CCDC152: variants seen among roughly 807,000 people sequenced by gnomAD.
CCDC152 encodes the protein coiled-coil domain containing 152.
In CCDC152, 37 loss-of-function variants were observed where a neutral mutation model predicts 38.1. The ratio of observed to expected loss-of-function variants is 0.97; its 90% CI spans 0.75 to 1.28. The LOEUF is 1.28. CCDC152 is among the 50% of genes most tolerant of loss of function. CCDC152 has a pLI of 0.00. For synonymous variants in CCDC152, 83 were observed against 87.1 expected, an observed-to-expected ratio of 0.95 and a Z score of 0.26; for missense variants, 259 against 292.1, an observed-to-expected ratio of 0.89 and a Z score of 0.83.
intron 4 of CCDC152, among the ~76,000 whole-genome samples, chr5:42,778,901 G>T (rs2111562046): frequency 6.6e-6 from 1 of 152,192 alleles, no homozygotes; most frequent in African/African-American, 2.4e-5. Flanking sequence ...ATCCAAAATT[G>T]TTCATCTAGA....
rs756699330 is a variant in CCDC152 at position 42,799,653 on chromosome 5, G to A, written c.643-6G>A. ...ATTCTAATAACAAATTTTTTGTTTC[G>A]TTTAGAAACTTCAGCATTTTCAAGA... On this transcript the variant is annotated splice_region_variant and splice_polypyrimidine_tract_variant and intron_variant, in intron 8 of 8. Transcript: ENST00000361970. The A allele has an allele frequency of 1.9e-5, 29 of 1,533,408 alleles. No homozygotes were observed. In the Admixed American group the frequency reaches 2.3e-4, roughly 12 times the overall value. 95.0% of individuals were successfully genotyped at this position (1,533,408 alleles called of 1,614,324 possible).
At chr5:42,783,303 G>A (rs1195589665) in intron 5 of CCDC152, among the ~76,000 whole-genome samples, 171 bp from the exon 6 acceptor site, 1 of 151,850 alleles carries the variant, frequency 6.6e-6, no homozygotes, top group Non-Finnish European at 1.5e-5. Context: ...TTAGAAAGGT[G>A]AAATTGTTCA....
At chr5:42,790,969 A>G (rs957445348) in intron 6 of CCDC152, among the ~76,000 whole-genome samples, 1 of 152,164 alleles carries the variant, frequency 6.6e-6, no homozygotes, top group Non-Finnish European at 1.5e-5. Flanking sequence ...ACTTCTCTAC[A>G]TGAGTTCATG....
At chr5:42,781,637 C>G (rs1052978244) in intron 5 of CCDC152, among the ~76,000 whole-genome samples, 34 of 151,982 alleles carry the variant, frequency 2.2e-4, no homozygotes, top group African/African-American at 7.7e-4. Context: ...GGAAGTTGAT[C>G]AAAAGCCTAT....
chr5:42,778,934 G>C (rs895057828), intron 4 of CCDC152, among the ~76,000 whole-genome samples: 1 of 152,142 alleles, frequency 6.6e-6, no homozygotes, highest in Non-Finnish European at 1.5e-5. Context: ...TGTCTACCTA[G>C]TGATAGGATC....
rs115760794 is a variant in CCDC152, at chr5:42,793,204, A to G, written c.431-3625A>G. 9.1e-3 allele frequency among the ~76,000 whole-genome samples: 1,392 copies of G among 152,356 alleles called. 21 individuals are homozygous for G. Among genetic ancestry groups the G allele is most frequent in the African/African-American group, 0.032 (1,329 of 41,578 alleles). On this transcript the variant is annotated intron_variant, in intron 6 of 8. Transcript: ENST00000361970. ...AGCCAGACACAAAAGTCCACATACT[A>G]TATAATTCTGTTTATACAACATTCT...
chr5:42,763,115 A>C (rs1759576947), intron 3 of CCDC152, among the ~76,000 whole-genome samples: 1 of 152,190 alleles, frequency 6.6e-6, no homozygotes, highest in Non-Finnish European at 1.5e-5. Context: ...GGAAATATGC[A>C]CAATAAGCCT....
chr5:42,784,268 T>A (rs1227204517), intron 6 of CCDC152, among the ~76,000 whole-genome samples: 3 of 152,160 alleles, frequency 2.0e-5, no homozygotes, highest in Admixed American at 6.5e-5. Context: ...TTTTTTTGAC[T>A]TTTTAGTAAT....
chr5:42,778,338 AG>A (rs1304295398), intron 4 of CCDC152, among the ~76,000 whole-genome samples: 1 of 152,172 alleles, frequency 6.6e-6, no homozygotes, highest in Non-Finnish European at 1.5e-5. Context: ...ACCCCCCAAG[AG>A]ATGACCCAGA....
intron 2 of CCDC152, among the ~76,000 whole-genome samples, chr5:42,761,711 C>T (rs1272843416): frequency 1.3e-5 from 2 of 152,116 alleles, no homozygotes; most frequent in Non-Finnish European, 2.9e-5. Context: ...AGGCACAGAA[C>T]AGAATATAAT....
intron 6 of CCDC152, among the ~76,000 whole-genome samples, chr5:42,796,538 T>A (rs1279341964): frequency 6.6e-6 from 1 of 152,196 alleles, no homozygotes; most frequent in East Asian, 1.9e-4. Context: ...AGGCTTTGTG[T>A]CCCTCTTCAA....
intron 6 of CCDC152, among the ~76,000 whole-genome samples, chr5:42,785,089 C>G (rs1352945565): frequency 6.6e-6 from 1 of 152,048 alleles, no homozygotes; most frequent in Non-Finnish European, 1.5e-5. Flanking sequence ...TATTCAGGCT[C>G]TGTTTTGGTT....
At chr5:42,768,586 C>A (rs761479331) in intron 3 of CCDC152, among the ~76,000 whole-genome samples, 1 of 152,186 alleles carries the variant, frequency 6.6e-6, no homozygotes, top group Non-Finnish European at 1.5e-5. Context: ...AGCACAGTTG[C>A]TGAAGCCTTG....
intron 4 of CCDC152, among the ~76,000 whole-genome samples, chr5:42,772,475 C>T (rs1194600297): frequency 6.6e-6 from 1 of 151,958 alleles, no homozygotes; most frequent in Non-Finnish European, 1.5e-5. Flanking sequence ...GGTGAAACCC[C>T]GCCTCTACTA....
At chr5:42,772,038 A>C (rs1759705703) in intron 4 of CCDC152, among the ~76,000 whole-genome samples, 1 of 152,196 alleles carries the variant, frequency 6.6e-6, no homozygotes, top group Non-Finnish European at 1.5e-5. Flanking sequence ...AAAATTCAAC[A>C]GCCCATTAAA....
chr5:42,758,845 T>G (rs1186495186), intron 1 of CCDC152, among the ~76,000 whole-genome samples: 1 of 152,186 alleles, frequency 6.6e-6, no homozygotes, highest in Non-Finnish European at 1.5e-5. Flanking sequence ...CAGTTAAAAG[T>G]CATGCCTCAG....
intron 4 of CCDC152, 144 bp from the exon 5 acceptor site, chr5:42,779,314 G>A: frequency 1.6e-6 from 1 of 617,720 alleles, no homozygotes; most frequent in Non-Finnish European, 3.0e-6. Context: ...TATTCTCAGT[G>A]TCTAGCATGG....
rs79461164 is a variant in CCDC152, at chr5:42,788,253, G to A, written c.430+4677G>A. 6.8e-3 allele frequency among the ~76,000 whole-genome samples: 1,031 copies of A among 150,606 alleles called. 47 individuals carry two copies. In the East Asian group the frequency reaches 0.13, roughly 19 times the overall value. ...TTTTCTTTAAGAAAGCTAAAAAGAG[G>A]ACCTCAGTTTCTTCTGGCTTGTAAG... On this transcript the variant is annotated intron_variant, in intron 6 of 8. Coordinates refer to ENST00000361970, the MANE Select transcript of CCDC152 (RefSeq NM_001134848.2).
intron 5 of CCDC152, among the ~76,000 whole-genome samples, chr5:42,782,753 T>A (rs965088268): frequency 3.9e-5 from 6 of 152,244 alleles, no homozygotes; most frequent in South Asian, 2.1e-4. Flanking sequence ...ATTTAACATA[T>A]CCATAATATA....
Sources: allele counts gnomAD v4.1 joint callset (sites outside exome capture counted in the v4.1 genomes callset), GRCh38; gene constraint gnomAD v4.1.1; transcripts MANE v1.5; gene names NCBI Gene and HGNC (gene_info 2026-07-23, HGNC 2026-07-21).